COL11A1: variants seen among roughly 807,000 people sequenced by gnomAD.
COL11A1 encodes collagen alpha-1(XI) chain.
In COL11A1, 74 loss-of-function variants were observed where a neutral mutation model predicts 265.2. That is an observed-to-expected ratio of 0.28 (90% CI 0.23 to 0.34). COL11A1 has a LOEUF of 0.34. Among genes scored for constraint, COL11A1 ranks in the 10% least tolerant of loss-of-function variants. The pLI is 1.00. For missense variants in COL11A1, 2,165 were observed against 2,263.6 expected, an observed-to-expected ratio of 0.96 and a Z score of 0.88; for synonymous variants, 816 against 727.6, an observed-to-expected ratio of 1.12 and a Z score of -1.96.
Position 102,920,520 on chromosome 1 carries a change from A to G in COL11A1, c.3709-156T>C, listed in dbSNP as rs150966157. The stretch of plus-strand genomic sequence containing the variant: ...CTAAATGATGCTTAATAGAATTGTC[A>G]AATGTGTTGGAAAGCAAATAATTCA... On this transcript the variant is annotated intron_variant, in intron 48 of 66. Transcript: ENST00000370096. Among the ~76,000 whole-genome samples, 198 of 152,330 alleles carry G rather than the reference A, an allele frequency of 1.3e-3. 1 individual carries two copies. The highest frequency in any genetic ancestry group is 4.6e-3 in the African/African-American group (190 of 41,594).
At chr1:103,031,784 G>A (rs922432537) in intron 4 of COL11A1, among the ~76,000 whole-genome samples, 18 of 151,066 alleles carry the variant, frequency 1.2e-4, no homozygotes, top group African/African-American at 3.4e-4. Flanking sequence ...AGATGAATGA[G>A]AAATGAAGAC....
intron 57 of COL11A1, among the ~76,000 whole-genome samples, chr1:102,896,623 C>G (rs1035926856): frequency 1.3e-5 from 2 of 152,146 alleles, no homozygotes; most frequent in Non-Finnish European, 2.9e-5. Context: ...TCCGCTTTAC[C>G]TAAAGGATTT....
chr1:102,885,256 C>T (rs920551247), intron 63 of COL11A1, among the ~76,000 whole-genome samples: 9 of 152,004 alleles, frequency 5.9e-5, no homozygotes, highest in Non-Finnish European at 1.3e-4. Context: ...ATATTTTTCT[C>T]TTGTTAACCT....
intron 55 of COL11A1, 75 bp downstream of exon 55, chr1:102,898,866 C>A (rs919183247): frequency 1.2e-5 from 16 of 1,294,956 alleles, no homozygotes; most frequent in Middle Eastern, 2.4e-4. Flanking sequence ...TCAGTTTATG[C>A]ATGAAATTTT....
intron 4 of COL11A1, among the ~76,000 whole-genome samples, chr1:103,072,223 G>T (rs763686159): frequency 7.9e-5 from 12 of 151,840 alleles, no homozygotes; most frequent in Non-Finnish European, 1.8e-4. Context: ...GCTGTATAAA[G>T]TTGAATTCTA....
At chr1:103,101,613 G>A (rs920775147) in intron 1 of COL11A1, among the ~76,000 whole-genome samples, 4 of 151,860 alleles carry the variant, frequency 2.6e-5, no homozygotes, top group African/African-American at 7.3e-5. Flanking sequence ...GTCAAACAGA[G>A]GAAGGAAGCT....
rs1666217554 is a variant in COL11A1, at chr1:103,012,542, A to T, written c.1573-73T>A. ...ACATTAAAGTACAATATGAATCTGC[A>T]CAAGCTGCCCTTAAGTAATACATGA... On this transcript the variant is annotated intron_variant, in intron 13 of 66. Transcript: ENST00000370096. 5 of 1,112,134 alleles carry T rather than the reference A, an allele frequency of 4.5e-6. No individual in the cohort carries two copies. The South Asian group carries it at 6.4e-5, about 14-fold the overall frequency. 68.9% of individuals were successfully genotyped at this position (1,112,134 alleles called of 1,614,324 possible).
intron 41 of COL11A1, among the ~76,000 whole-genome samples, chr1:102,958,578 T>A (rs1660594446): frequency 6.6e-6 from 1 of 152,172 alleles, no homozygotes; most frequent in Non-Finnish European, 1.5e-5. Flanking sequence ...CTTCACTAGA[T>A]TCTGCAGCAA....
In COL11A1 at chr1:103,061,205, A is replaced by G. The variant is rs566993217; in HGVS notation, c.651+13413T>C. ...TAAGGGTAAAAAGGTCAGTGCACCA[A>G]AAAGACATAAATCTTTAATGCATAT... is the stretch of plus-strand genomic sequence containing the variant. On this transcript the variant is annotated intron_variant, in intron 4 of 66. Transcript: ENST00000370096. Among the ~76,000 whole-genome samples the G allele has an allele frequency of 5.6e-4, 85 of 152,264 alleles. 3 individuals are homozygous for G. The South Asian group carries it at 0.017, about 30-fold the overall frequency.
At chr1:103,089,753 G>T (rs2102360759) in intron 1 of COL11A1, among the ~76,000 whole-genome samples, 1 of 152,350 alleles carries the variant, frequency 6.6e-6, no homozygotes, top group South Asian at 2.1e-4. Context: ...AAAGGAAGAG[G>T]ATTGGAAGTG....
At chr1:103,082,441 C>T (rs145081948) in intron 2 of COL11A1, among the ~76,000 whole-genome samples, 7 of 152,040 alleles carry the variant, frequency 4.6e-5, no homozygotes, top group African/African-American at 1.7e-4. Context: ...ACCCCAGTCA[C>T]GATGAATAAG....
intron 30 of COL11A1, among the ~76,000 whole-genome samples, chr1:102,985,794 T>C (rs1557905340): frequency 6.6e-6 from 1 of 152,176 alleles, no homozygotes. Flanking sequence ...GGTCCCAGGA[T>C]ACCCTTTTAA....
At chr1:102,951,617 A>G (rs61812695) in intron 41 of COL11A1, among the ~76,000 whole-genome samples, 28,080 of 151,926 alleles carry the variant, frequency 0.18, 2,654 homozygotes, top group Middle Eastern at 0.28. Flanking sequence ...GTGGTAGGTG[A>G]TAGTCCCAGC....
intron 30 of COL11A1, among the ~76,000 whole-genome samples, chr1:102,986,267 C>T (rs1054079162): frequency 4.0e-5 from 6 of 151,820 alleles, no homozygotes; most frequent in Non-Finnish European, 7.4e-5. Context: ...TTTGTAGGGA[C>T]ATGGATGAAG....
At chr1:103,006,375 G>A in intron 15 of COL11A1, 60 bp from the exon 16 acceptor site, 3 of 1,293,944 alleles carry the variant, frequency 2.3e-6, no homozygotes, top group Non-Finnish European at 3.3e-6. Flanking sequence ...AAACTCAATA[G>A]CATCAAGAGA....
At chr1:103,002,390 C>T (rs1199600574) in intron 23 of COL11A1, 38 bp downstream of exon 23, 30 of 1,535,730 alleles carry the variant, frequency 2.0e-5, no homozygotes, top group Non-Finnish European at 2.7e-5. Context: ...GCATCTTCCC[C>T]CCATTATTTC....
chr1:102,951,656 C>T (rs1659892033), intron 41 of COL11A1, among the ~76,000 whole-genome samples: 1 of 152,038 alleles, frequency 6.6e-6, no homozygotes, highest in Non-Finnish European at 1.5e-5. Context: ...AGGAGAATAG[C>T]GTGAATCCGG....
At chr1:102,927,636 C>T (rs952882742) in intron 46 of COL11A1, among the ~76,000 whole-genome samples, 5 of 151,318 alleles carry the variant, frequency 3.3e-5, no homozygotes, top group Non-Finnish European at 7.4e-5. Context: ...GCGTGAGACG[C>T]CGTCTCAAAA....
At chr1:102,899,921 G>A (rs968477571) in intron 54 of COL11A1, among the ~76,000 whole-genome samples, 12 of 152,060 alleles carry the variant, frequency 7.9e-5, no homozygotes, top group African/African-American at 2.9e-4. Flanking sequence ...AGTATCAATA[G>A]TGGTGGATGA....
Sources: gnomAD v4.1 joint callset for allele counts (sites outside exome capture counted in the v4.1 genomes callset) on GRCh38, gnomAD v4.1.1 for gene constraint, MANE v1.5 for transcripts, NCBI Gene and HGNC (gene_info 2026-07-23, HGNC 2026-07-21) for gene names.